DLGAP2: variants seen among roughly 807,000 people sequenced by gnomAD.
DLGAP2 encodes disks large-associated protein 2.
A neutral mutation model predicts 100.3 loss-of-function variants in DLGAP2; 26 were observed. That is an observed-to-expected ratio of 0.26 (90% CI 0.19 to 0.36). DLGAP2 has a LOEUF of 0.36. Among genes scored for constraint, DLGAP2 ranks in the 10% least tolerant of loss-of-function variants. The pLI is 1.00. For missense variants in DLGAP2, 1,858 were observed against 1,453.2 expected (o/e 1.28, Z -4.53); for synonymous variants, 886 against 630.1 (o/e 1.41, Z -6.08).
intron 2 of DLGAP2, among the ~76,000 whole-genome samples, chr8:1,237,093 C>CCG: frequency 7.8e-6 from 1 of 127,766 alleles, no homozygotes; most frequent in African/African-American, 3.2e-5. Context: ...GTGTCTAGTT[C>CCG]TCTCACATGG....
intron 3 of DLGAP2, among the ~76,000 whole-genome samples, chr8:1,331,730 A>C (rs1801162647): frequency 6.6e-6 from 1 of 152,186 alleles, no homozygotes; most frequent in Non-Finnish European, 1.5e-5. Context: ...CCGACGTTTA[A>C]AACGTGTCTT....
intron 2 of DLGAP2, among the ~76,000 whole-genome samples, chr8:1,142,860 G>A (rs1246896616): frequency 6.6e-6 from 1 of 152,140 alleles, no homozygotes; most frequent in Admixed American, 6.5e-5. Context: ...TCATGGCGTG[G>A]GGAGCAGCAG....
chr8:1,262,528 T>C (rs1485781543), intron 3 of DLGAP2: 3 of 152,238 alleles, frequency 2.0e-5, no homozygotes, highest in Admixed American at 6.5e-5. Flanking sequence ...TTCTACAGGG[T>C]TCTGCTTTGC....
chr8:1,465,513 A>G (rs2130175717), intron 3 of DLGAP2, among the ~76,000 whole-genome samples: 1 of 152,158 alleles, frequency 6.6e-6, no homozygotes, highest in East Asian at 1.9e-4. Flanking sequence ...GTGGTTTATT[A>G]TAAAGGATAC....
At chr8:1,524,245 A>G (rs1347398345) in intron 4 of DLGAP2, among the ~76,000 whole-genome samples, 1 of 151,994 alleles carries the variant, frequency 6.6e-6, no homozygotes, top group African/African-American at 2.4e-5. Flanking sequence ...GGAGGAAGGG[A>G]CCCTGTTCCT....
intron 2 of DLGAP2, among the ~76,000 whole-genome samples, chr8:1,052,736 G>C (rs1000451936): frequency 6.6e-6 from 1 of 152,152 alleles, no homozygotes; most frequent in South Asian, 2.1e-4. Context: ...ACAGGGAGGG[G>C]TTTTCTAGGG....
chr8:798,641 T>C (rs1346372546), intron 1 of DLGAP2, among the ~76,000 whole-genome samples: 2 of 128,582 alleles, frequency 1.6e-5, no homozygotes, highest in African/African-American at 3.0e-5. Context: ...GGCCAGGTGA[T>C]GGGTGCCTGC....
chr8:1,120,629 C>T (rs763433384), intron 2 of DLGAP2, among the ~76,000 whole-genome samples: 3 of 151,876 alleles, frequency 2.0e-5, no homozygotes, highest in Admixed American at 2.0e-4. Flanking sequence ...ACCACCCATC[C>T]TCATTCCTTC....
At chr8:983,483 G>A (rs1024157358) in intron 2 of DLGAP2, among the ~76,000 whole-genome samples, 3 of 152,004 alleles carry the variant, frequency 2.0e-5, no homozygotes, top group Non-Finnish European at 4.4e-5. Flanking sequence ...TCCACGTGTT[G>A]GTGGAAAGTA....
At chr8:1,065,452 C>G (rs1050965134) in intron 2 of DLGAP2, among the ~76,000 whole-genome samples, 2 of 152,212 alleles carry the variant, frequency 1.3e-5, no homozygotes, top group Non-Finnish European at 1.5e-5. Flanking sequence ...AGCACATATT[C>G]ATGCTGGAGT....
At chr8:882,092 C>T (rs542971290) in intron 1 of DLGAP2, among the ~76,000 whole-genome samples, 61 of 152,306 alleles carry the variant, frequency 4.0e-4, no homozygotes, top group South Asian at 3.5e-3. Flanking sequence ...CCAGAGGCTT[C>T]CCTGTAAATA....
intron 13 of DLGAP2, among the ~76,000 whole-genome samples, chr8:1,695,853 G>C (rs1201906555): frequency 6.6e-6 from 1 of 152,240 alleles, no homozygotes; most frequent in Non-Finnish European, 1.5e-5. Context: ...AGGCACTTTA[G>C]TTATCCCCAC....
At chr8:1,095,551 A>G (rs1804340618) in intron 2 of DLGAP2, among the ~76,000 whole-genome samples, 1 of 152,182 alleles carries the variant, frequency 6.6e-6, no homozygotes, top group East Asian at 1.9e-4. Flanking sequence ...GTAATGGGTT[A>G]GCAGTGTCCA....
At chr8:773,011 G>T (rs1300232728) in intron 1 of DLGAP2, among the ~76,000 whole-genome samples, 1 of 152,188 alleles carries the variant, frequency 6.6e-6, no homozygotes, top group African/African-American at 2.4e-5. Flanking sequence ...GGATGGCATG[G>T]ACACACTTGT....
rs2129641126 is a variant in DLGAP2, at chr8:1,357,111, T to A, written c.106+98228T>A. Among the ~76,000 whole-genome samples, 2 of 151,672 alleles carry A rather than the reference T, an allele frequency of 1.3e-5. 1 individual carries two copies. Among genetic ancestry groups the A allele is most frequent in the Middle Eastern group, 6.8e-3 (2 of 294 alleles). ...TTAAAGCAGATGAGCCACCCAAAAC[T>A]AATATACAGTGTCTACTGCAGAAGA... On this transcript the variant is annotated intron_variant, in intron 3 of 14. Transcript: ENST00000637795.
chr8:1,326,601 G>GCA (rs1480175090), intron 3 of DLGAP2, among the ~76,000 whole-genome samples: 11 of 151,630 alleles, frequency 7.3e-5, no homozygotes, highest in South Asian at 2.1e-4. Flanking sequence ...CACGGCGCGT[G>GCA]CTCGGTCTCA....
chr8:1,604,907 TG>T (rs1166469349), intron 6 of DLGAP2, among the ~76,000 whole-genome samples: 1 of 152,208 alleles, frequency 6.6e-6, no homozygotes, highest in East Asian at 1.9e-4. Context: ...TTAGAATCGC[TG>T]AGCTTAGCAT....
intron 3 of DLGAP2, among the ~76,000 whole-genome samples, chr8:1,274,075 C>G (rs1799634898): frequency 6.6e-6 from 1 of 152,042 alleles, no homozygotes; most frequent in Admixed American, 6.6e-5. Context: ...AGCGTGACGG[C>G]TCTGTTCAGC....
chr8:1,603,566 A>AGGCG (rs1796698937), intron 6 of DLGAP2, among the ~76,000 whole-genome samples: 1 of 1,038 alleles, frequency 9.6e-4, no homozygotes, highest in African/African-American at 3.8e-3. Context: ...TTAGGGTGGA[A>AGGCG]GGTGGGTCTC....
Sources: gnomAD v4.1 joint callset for allele counts (sites outside exome capture counted in the v4.1 genomes callset) on GRCh38, gnomAD v4.1.1 for gene constraint, MANE v1.5 for transcripts, NCBI Gene and HGNC (gene_info 2026-07-23, HGNC 2026-07-21) for gene names.